THRB: variants seen among roughly 807,000 people sequenced by gnomAD.
THRB encodes thyroid hormone receptor beta, also known as nuclear receptor subfamily 1 group A member 2.
THRB carries 12 observed loss-of-function variants against 47.8 expected under a neutral mutation model. The observed-to-expected ratio is 0.25, with a 90% CI of 0.16 to 0.41. The LOEUF (loss-of-function observed/expected upper bound fraction) is 0.41. Among genes scored for constraint, THRB ranks in the 10% least tolerant of loss-of-function variants. The pLI, the probability that THRB is intolerant of heterozygous loss-of-function variation, is 1.00. For missense variants in THRB, 348 were observed against 589.2 expected (o/e 0.59, Z 4.24); for synonymous variants, 218 against 212.2 (o/e 1.03, Z -0.24).
intron 1 of THRB, among the ~76,000 whole-genome samples, chr3:24,368,193 G>A (rs1484061778): frequency 1.3e-5 from 2 of 152,050 alleles, no homozygotes; most frequent in African/African-American, 4.8e-5. Context: ...GTATGCCACT[G>A]CCCTGACATC....
intron 5 of THRB, among the ~76,000 whole-genome samples, chr3:24,184,055 C>T (rs1559536697): frequency 2.0e-5 from 3 of 152,174 alleles, no homozygotes; most frequent in African/African-American, 7.2e-5. Flanking sequence ...TTTCTGTGCA[C>T]ATTTGTAAAC....
At chr3:24,346,850 C>T (rs1471725905) in intron 1 of THRB, among the ~76,000 whole-genome samples, 1 of 151,964 alleles carries the variant, frequency 6.6e-6, no homozygotes, top group Non-Finnish European at 1.5e-5. Context: ...ATACACCTCT[C>T]TCAGTAACTG....
intron 1 of THRB, among the ~76,000 whole-genome samples, chr3:24,471,361 T>G (rs1050423078): frequency 1.3e-5 from 2 of 152,224 alleles, no homozygotes; most frequent in Non-Finnish European, 2.9e-5. Flanking sequence ...GAACCATTAT[T>G]TTGATGGAGC....
chr3:24,211,788 C>T (rs1306137454), intron 4 of THRB, among the ~76,000 whole-genome samples: 1 of 152,088 alleles, frequency 6.6e-6, no homozygotes, highest in Admixed American at 6.5e-5. Flanking sequence ...TTTGTTTTTC[C>T]GACCCTCATC....
At chr3:24,393,274 G>A (rs545407204) in intron 1 of THRB, among the ~76,000 whole-genome samples, 6 of 152,254 alleles carry the variant, frequency 3.9e-5, no homozygotes, top group Non-Finnish European at 7.4e-5. Context: ...TCCTTAAGAC[G>A]ACTGAATACC....
intron 5 of THRB, among the ~76,000 whole-genome samples, chr3:24,177,497 A>G (rs932744742): frequency 1.3e-5 from 2 of 152,266 alleles, no homozygotes; most frequent in African/African-American, 4.8e-5. Context: ...TGACGAATTC[A>G]CCATCTGCAG....
At chr3:24,300,185 TG>T (rs1203491193) in intron 2 of THRB, among the ~76,000 whole-genome samples, 1 of 152,132 alleles carries the variant, frequency 6.6e-6, no homozygotes. Flanking sequence ...CCAGGGTGGC[TG>T]GTTACACGTG....
chr3:24,363,838 A>G (rs1264804780), intron 1 of THRB, among the ~76,000 whole-genome samples: 2 of 152,206 alleles, frequency 1.3e-5, no homozygotes, highest in Non-Finnish European at 2.9e-5. Flanking sequence ...AAAATCTAAA[A>G]TTCTATGCTT....
chr3:24,123,765 T>C (rs1363749100), intron 10 of THRB, among the ~76,000 whole-genome samples: 1 of 152,130 alleles, frequency 6.6e-6, no homozygotes, highest in Admixed American at 6.5e-5. Context: ...GGAGGGGAGC[T>C]GTGCCAGAGT....
intron 3 of THRB, among the ~76,000 whole-genome samples, chr3:24,240,139 T>C (rs1012589401): frequency 2.0e-5 from 3 of 152,192 alleles, no homozygotes; most frequent in Admixed American, 1.3e-4. Flanking sequence ...TGATTTGCAG[T>C]ATCTCCTTTC....
intron 5 of THRB, among the ~76,000 whole-genome samples, chr3:24,164,643 A>G (rs2039382384): frequency 6.6e-6 from 1 of 152,216 alleles, no homozygotes; most frequent in Non-Finnish European, 1.5e-5. Context: ...GAAAAGTCAA[A>G]TGAGTTTTTA....
chr3:24,157,882 A>G (rs2038114807), intron 5 of THRB, among the ~76,000 whole-genome samples: 1 of 152,196 alleles, frequency 6.6e-6, no homozygotes, highest in Non-Finnish European at 1.5e-5. Flanking sequence ...TTAATGTATA[A>G]GAAGTACCTA....
intron 4 of THRB, among the ~76,000 whole-genome samples, chr3:24,205,293 A>C (rs1055812330): frequency 6.6e-6 from 1 of 152,244 alleles, no homozygotes; most frequent in African/African-American, 2.4e-5. Flanking sequence ...CATCAGACTA[A>C]TAGCAGATCT....
At chr3:24,233,627 G>A (rs577884910) in intron 3 of THRB, among the ~76,000 whole-genome samples, 9 of 90,292 alleles carry the variant, frequency 1.0e-4, no homozygotes, top group Admixed American at 3.1e-4. Flanking sequence ...GAAAGAGCCT[G>A]TAGGACATTG....
intron 5 of THRB, among the ~76,000 whole-genome samples, chr3:24,152,889 G>A (rs1417307772): frequency 6.6e-6 from 1 of 151,618 alleles, no homozygotes; most frequent in African/African-American, 2.4e-5. Flanking sequence ...TTGAACCCAG[G>A]AGGCAGAGGT....
chr3:24,448,198 T>A lies in THRB; in HGVS notation c.-261+46454A>T, dbSNP rs116387250. Among the ~76,000 whole-genome samples the A allele has an allele frequency of 5.1e-3, 771 of 152,194 alleles. 6 individuals carry two copies. The highest frequency in any genetic ancestry group is 0.018 in the African/African-American group (743 of 41,538). ...GTCAGACTCTCTTGAGTTCTCTTGG[T>A]TTTCACTGGCGATTTATCATTAAGG... On this transcript the variant is annotated intron_variant, in intron 1 of 10. Coordinates refer to ENST00000646209, the MANE Select transcript of THRB (RefSeq NM_001354712.2).
chr3:24,419,146 G>A (rs979611736), intron 1 of THRB, among the ~76,000 whole-genome samples: 1 of 151,930 alleles, frequency 6.6e-6, no homozygotes, highest in Admixed American at 6.6e-5. Context: ...TAAAAAGAAA[G>A]CAAAAGAAAT....
chr3:24,409,405 T>G (rs1421718450), intron 1 of THRB, among the ~76,000 whole-genome samples: 1 of 150,796 alleles, frequency 6.6e-6, no homozygotes, highest in Non-Finnish European at 1.5e-5. Flanking sequence ...GATAATGACT[T>G]CTGGGAGGCA....
intron 3 of THRB, among the ~76,000 whole-genome samples, chr3:24,251,017 A>C (rs2050612135): frequency 6.6e-6 from 1 of 152,036 alleles, no homozygotes; most frequent in African/African-American, 2.4e-5. Context: ...TTAGAAACTA[A>C]ATAGAAAAAA....
Sources: gnomAD v4.1 joint callset for allele counts (sites outside exome capture counted in the v4.1 genomes callset) on GRCh38, gnomAD v4.1.1 for gene constraint, MANE v1.5 for transcripts, NCBI Gene and HGNC (gene_info 2026-07-23, HGNC 2026-07-21) for gene names.